COL6A2: variants seen among roughly 807,000 people sequenced by gnomAD.
The protein encoded by COL6A2 is collagen alpha-2(VI) chain.
A neutral mutation model predicts 124.9 loss-of-function variants in COL6A2; 90 were observed. The ratio of observed to expected loss-of-function variants is 0.72; its 90% CI spans 0.61 to 0.86. COL6A2 has a LOEUF of 0.86. COL6A2 is among the 40% of genes least tolerant of loss of function. The probability of loss-of-function intolerance (pLI) is 0.00; values close to 1 mark genes in which losing one functional copy is unlikely to be tolerated. For missense variants in COL6A2, 1,607 were observed against 1,502.5 expected, an observed-to-expected ratio of 1.07 and a Z score of -1.15; for synonymous variants, 793 against 618.2, an observed-to-expected ratio of 1.28 and a Z score of -4.19.
chr21:46,127,135 C>T (rs1228860143), intron 27 of COL6A2, among the ~76,000 whole-genome samples: 2 of 152,074 alleles, frequency 1.3e-5, no homozygotes, highest in Non-Finnish European at 2.9e-5. Flanking sequence ...CACTGCTGCA[C>T]CGTACCTGGG....
At chr21:46,130,261 A>C (rs2078743866) in intron 27 of COL6A2, among the ~76,000 whole-genome samples, 1 of 152,224 alleles carries the variant, frequency 6.6e-6, no homozygotes, top group South Asian at 2.1e-4. Context: ...CCAAAAGCAC[A>C]GTCGGGGGAG....
At chr21:46,103,265 T>C (rs1426423072) in intron 1 of COL6A2, among the ~76,000 whole-genome samples, 2 of 152,192 alleles carry the variant, frequency 1.3e-5, no homozygotes, top group Non-Finnish European at 2.9e-5. Flanking sequence ...TTAGTAGCAA[T>C]GTTGCCACTT....
chr21:46,121,291 C>T (rs993815097), intron 17 of COL6A2, among the ~76,000 whole-genome samples, 168 bp downstream of exon 17: 2 of 152,172 alleles, frequency 1.3e-5, no homozygotes, highest in African/African-American at 4.8e-5. Flanking sequence ...ACCTCATACC[C>T]ACCCTCAGCC....
Position 46,126,321 on chromosome 21 carries a change from C to A in COL6A2, c.2422+84C>A, listed in dbSNP as rs983166194. 2.6e-6 allele frequency: 4 copies of A among 1,536,728 alleles called. No individual in the cohort carries two copies. The African/African-American group carries it at 4.1e-5, about 16-fold the overall frequency. On this transcript the variant is annotated intron_variant, in intron 26 of 27. Coordinates refer to ENST00000300527, the MANE Select transcript of COL6A2 (RefSeq NM_001849.4). ...GCGTGAGCCCCAGGGACACCCCTCA[C>A]CTGAGGGATGAATGTGCAGCCCAGG...
Position 46,120,530 on chromosome 21 carries a change from G to A in COL6A2, c.1348G>A (p.Glu450Lys). 2 of 1,491,768 alleles carry A rather than the reference G, an allele frequency of 1.3e-6. No individual in the cohort carries two copies. The highest frequency in any genetic ancestry group is 2.5e-5 in the East Asian group (1 of 39,716). 92.4% of individuals were successfully genotyped at this position (1,491,768 alleles called of 1,614,324 possible). ...PKGEKGDPGP[E>K]GPRGLAGEVG... ...CTTCCCACAGGGGGACCCTGGCCCT[G>A]AGGGGCCCCGCGGCCTGGCTGGAGA... The change falls in exon 16 of 28, where the codon GAG becomes AAG. Residue 450 changes from glutamate to lysine, a missense_variant. Physicochemically the swap from Glu to Lys is moderately conservative, Grantham distance 56. Coordinates refer to ENST00000300527, the MANE Select transcript of COL6A2 (RefSeq NM_001849.4).
chr21:46,098,567 C>G (rs987936112), intron 1 of COL6A2, among the ~76,000 whole-genome samples: 4 of 151,414 alleles, frequency 2.6e-5, no homozygotes, highest in African/African-American at 9.7e-5. Flanking sequence ...TCGGGTCCGG[C>G]TCCGGCCCGC....
In COL6A2 at chr21:46,132,465, T is replaced by C; in HGVS notation, c.2973T>C (p.Gly991=). ...ACGTGCTCACCACGCTCAGCCTGGG[T>C]GACCGCGCCGCCGTGTTCCACGAGA... ...DMDVLTTLSL[G]DRAAVFHEKD... The change falls in exon 28 of 28, where the codon GGT becomes GGC. Residue 991 remains glycine, a synonymous_variant. Transcript: ENST00000300527. The C allele has an allele frequency of 6.2e-7, 1 of 1,606,646 alleles. No individual in the cohort carries two copies. The highest frequency in any genetic ancestry group is 8.5e-7 in the Non-Finnish European group (1 of 1,177,356).
At chr21:46,129,363 A>G (rs1415935882) in intron 27 of COL6A2, 31 of 1,612,726 alleles carry the variant, frequency 1.9e-5, no homozygotes, top group Non-Finnish European at 2.6e-5. Context: ...GCTGGTCTAC[A>G]CCGCCGAGCG....
intron 27 of COL6A2, among the ~76,000 whole-genome samples, chr21:46,130,007 CTGG>C (rs1387808061): frequency 6.6e-6 from 1 of 152,172 alleles, no homozygotes; most frequent in African/African-American, 2.4e-5. Context: ...GCCCCAGAGG[CTGG>C]TGAGCCTCGC....
chr21:46,113,317 C>A (rs1016159382), intron 4 of COL6A2, among the ~76,000 whole-genome samples: 5 of 152,172 alleles, frequency 3.3e-5, no homozygotes, highest in Non-Finnish European at 7.4e-5. Flanking sequence ...TTGCCGTGTA[C>A]AAATGGTGCC....
chr21:46,126,262 C>T (rs756869125), intron 26 of COL6A2, 25 bp downstream of exon 26: 33 of 1,595,618 alleles, frequency 2.1e-5, no homozygotes, highest in East Asian at 1.6e-4. Flanking sequence ...GCGGGGCAGT[C>T]GGCCGAGGAG....
At chr21:46,119,708 C>T in intron 14 of COL6A2, 80 bp from the exon 15 acceptor site, 5 of 1,314,448 alleles carry the variant, frequency 3.8e-6, no homozygotes, top group South Asian at 1.3e-5. Context: ...GGAGCATCGG[C>T]CCCGGCACAG....
Position 46,122,155 on chromosome 21 carries a change from ACCCGTGAGTCACAG to A in COL6A2, c.1572_1572+13del, listed in dbSNP as rs1568935171. On this transcript the variant is annotated splice_donor_variant and splice_donor_5th_base_variant and coding_sequence_variant and intron_variant, in exon 19 of 28. Transcript: ENST00000300527. LOFTEE classifies it high-confidence loss of function. ...TCAGCTACCCAGGACCCCGAGGAGCACCCGTGAGTCACAGCCTGGGATGGCAGCTCCCAGGAGTG... is the reference window on the plus strand; with the variant it reads ...TCAGCTACCCAGGACCCCGAGGAGCACCTGGGATGGCAGCTCCCAGGAGTG... 6.2e-7 allele frequency: 1 copy of A among 1,612,552 alleles called. No individual in the cohort carries two copies. Among genetic ancestry groups the A allele is most frequent in the Admixed American group, 1.7e-5 (1 of 59,990 alleles).
chr21:46,128,234 G>A (rs894611784), intron 27 of COL6A2, among the ~76,000 whole-genome samples: 4 of 152,178 alleles, frequency 2.6e-5, no homozygotes, highest in South Asian at 2.1e-4. Flanking sequence ...GGCCTCTTCT[G>A]AGGCCTCCAG....
chr21:46,132,296 G>T lies in COL6A2; in HGVS notation c.2804G>T (p.Gly935Val). 1 of 1,606,106 alleles carries T rather than the reference G, an allele frequency of 6.2e-7. No individual in the cohort carries two copies. Reference protein sequence around the residue: ...INAIVRSPRGGARRHAELSFV... With the variant: ...INAIVRSPRGVARRHAELSFV... The stretch of plus-strand genomic sequence containing the variant: ...GCCATCGTGCGCAGCCCGCGTGGCG[G>T]GGCCCGGAGGCACGCAGAGCTGTCC... The change falls in exon 28 of 28, where the codon GGG (glycine) becomes GTG (valine). Residue 935 changes from glycine to valine, a missense_variant. By Grantham distance (109) the Gly-to-Val change is moderately radical. Around this residue, in one of 3 missense-constraint regions of COL6A2, gnomAD observed 1,223 missense variants for 1,052.2 expected, o/e 1.16. Coordinates refer to ENST00000300527, the MANE Select transcript of COL6A2 (RefSeq NM_001849.4).
chr21:46,125,236 G>C (rs1463863958), intron 23 of COL6A2, 30 bp from the exon 24 acceptor site: 6 of 1,608,680 alleles, frequency 3.7e-6, no homozygotes, highest in Non-Finnish European at 5.1e-6. Context: ...GGCCCCGGGG[G>C]GACTACCCTG....
Position 46,123,692 on chromosome 21 carries a change from G to GGT in COL6A2, c.1671+756_1671+757dup, listed in dbSNP as rs1568936776. On this transcript the variant is annotated intron_variant, in intron 21 of 27. Coordinates refer to ENST00000300527, the MANE Select transcript of COL6A2 (RefSeq NM_001849.4). ...GAGTAGATGTATGGGTGAGTAGGTG[G>GGT]GTAGGTGGGTAGATGGATGGGTGGG... Among the ~76,000 whole-genome samples the GGT allele has an allele frequency of 3.2e-3, 243 of 75,266 alleles. 1 individual carries two copies. Among genetic ancestry groups the GGT allele is most frequent in the Non-Finnish European group, 6.1e-3 (205 of 33,680 alleles). The allele number at this position is 75,266 out of a possible 152,430, so 49.4% of individuals were successfully genotyped here. A position where few individuals can be genotyped will look rare whatever the true frequency, so the allele number is the denominator to read the frequency against.
intron 1 of COL6A2, among the ~76,000 whole-genome samples, chr21:46,101,989 A>G (rs911475252): frequency 6.6e-6 from 1 of 151,094 alleles, no homozygotes; most frequent in African/African-American, 2.4e-5. Context: ...CTCTAGATCA[A>G]TTTGGGTGGT....
At chr21:46,120,629 A>C (rs1776174609) in intron 16 of COL6A2, 52 bp downstream of exon 16, 1 of 1,414,872 alleles carries the variant, frequency 7.1e-7, no homozygotes, top group Non-Finnish European at 9.3e-7. Context: ...GAGGGGGTGC[A>C]GGGGGGCTGC....
Sources: gnomAD v4.1 joint callset for allele counts (sites outside exome capture counted in the v4.1 genomes callset) on GRCh38, gnomAD v4.1.1 for gene constraint, gnomAD v4.1.1 regional missense constraint, MANE v1.5 for transcripts, NCBI Gene and HGNC (gene_info 2026-07-23, HGNC 2026-07-21) for gene names.